The following MYO9A variants were observed in gnomAD, a reference collection of about 807,000 sequenced individuals.
MYO9A encodes the protein unconventional myosin-IXa.
Under a neutral mutation model 293.3 loss-of-function variants are expected in MYO9A, and 103 were observed. That is an observed-to-expected ratio of 0.35 (90% confidence interval 0.30 to 0.41). The LOEUF (loss-of-function observed/expected upper bound fraction) is 0.41. Ranked by LOEUF, MYO9A falls within the 10% of genes least tolerant of loss-of-function variation. MYO9A has a pLI of 1.00. For synonymous variants in MYO9A, 1,001 were observed against 1,035.7 expected, an observed-to-expected ratio of 0.97 and a Z score of 0.64; for missense variants, 2,685 against 3,033.0, an observed-to-expected ratio of 0.89 and a Z score of 2.69.
At chr15:72,015,019 T>TA (rs1238148731) in intron 6 of MYO9A, among the ~76,000 whole-genome samples, 1 of 150,640 alleles carries the variant, frequency 6.6e-6, no homozygotes, top group Non-Finnish European at 1.5e-5. Flanking sequence ...AATTTTTTTT[T>TA]TTTTTTTTTG....
intron 1 of MYO9A, among the ~76,000 whole-genome samples, chr15:72,067,298 T>C (rs926921636): frequency 1.3e-5 from 2 of 151,624 alleles, no homozygotes; most frequent in East Asian, 4.0e-4. Flanking sequence ...CCAATACTAA[T>C]TAATTAATTT....
chr15:71,981,935 T>C (rs898315467), intron 11 of MYO9A, among the ~76,000 whole-genome samples: 1 of 151,182 alleles, frequency 6.6e-6, no homozygotes, highest in Admixed American at 6.6e-5. Flanking sequence ...GCATTTCCCA[T>C]AGTTTTAATA....
chr15:72,110,205 G>A (rs1399608082), intron 1 of MYO9A, among the ~76,000 whole-genome samples: 3 of 151,860 alleles, frequency 2.0e-5, no homozygotes, highest in Non-Finnish European at 4.4e-5. Flanking sequence ...GGAGGCCGAG[G>A]CAGGTAGATT....
chr15:71,906,620 C>G (rs1596158269), intron 19 of MYO9A, among the ~76,000 whole-genome samples: 1 of 151,780 alleles, frequency 6.6e-6, no homozygotes, highest in East Asian at 1.9e-4. Flanking sequence ...GTCACTATAG[C>G]TTTCTTTTGG....
chr15:72,001,234 AT>A (rs1244549145), intron 8 of MYO9A, among the ~76,000 whole-genome samples: 1 of 152,176 alleles, frequency 6.6e-6, no homozygotes, highest in African/African-American at 2.4e-5. Flanking sequence ...AATGTAGGCA[AT>A]ATAAAAATTT....
intron 15 of MYO9A, among the ~76,000 whole-genome samples, chr15:71,948,933 T>A (rs2058986395): frequency 1.0e-5 from 1 of 100,008 alleles, no homozygotes; most frequent in South Asian, 4.9e-4. Flanking sequence ...ACAGAAATTC[T>A]GGTTCAAATT....
intron 35 of MYO9A, among the ~76,000 whole-genome samples, chr15:71,852,997 T>C (rs145277104): frequency 0.014 from 2,107 of 152,246 alleles, 34 homozygotes; most frequent in African/African-American, 0.024. Flanking sequence ...CTTGGGAGGC[T>C]GAGGCAGAAT....
At chr15:72,077,414 G>A (rs561842835) in intron 1 of MYO9A, among the ~76,000 whole-genome samples, 7 of 152,040 alleles carry the variant, frequency 4.6e-5, no homozygotes, top group African/African-American at 9.7e-5. Context: ...TAAAGATGCC[G>A]GGCGCCATGG....
chr15:72,070,455 A>AT (rs2079157386), intron 1 of MYO9A, among the ~76,000 whole-genome samples: 1 of 150,166 alleles, frequency 6.7e-6, no homozygotes, highest in Non-Finnish European at 1.5e-5. Context: ...TCTGCCTCAA[A>AT]AAAAAAAAAA....
intron 39 of MYO9A, among the ~76,000 whole-genome samples, chr15:71,830,645 T>A (rs923095527): frequency 6.6e-6 from 1 of 152,206 alleles, no homozygotes; most frequent in Non-Finnish European, 1.5e-5. Context: ...TTAATTAAAA[T>A]TGAACTAACA....
At chr15:71,974,966 G>C (rs190483961) in intron 12 of MYO9A, among the ~76,000 whole-genome samples, 109 of 152,290 alleles carry the variant, frequency 7.2e-4, no homozygotes, top group Non-Finnish European at 8.1e-4. Flanking sequence ...TATTCATTGA[G>C]GGAAATCCAA....
intron 25 of MYO9A, chr15:71,897,030 ACATACAAAGAAGTATAATGAACG>A (rs2057351106): frequency 6.2e-6 from 1 of 161,330 alleles, no homozygotes; most frequent in Admixed American, 5.8e-5. Context: ...TGTGTTTATC[ACATACAAAGAAGTATAATGAACG>A]TAATGATGAC....
At chr15:72,020,888 T>C (rs181736621) in intron 5 of MYO9A, 30 bp downstream of exon 5, 3 of 1,361,652 alleles carry the variant, frequency 2.2e-6, no homozygotes, top group South Asian at 3.0e-5. Context: ...TACTGCCCTA[T>C]ACTTCAAAAT....
chr15:71,977,841 T>C (rs557355487), intron 12 of MYO9A, among the ~76,000 whole-genome samples: 1 of 152,152 alleles, frequency 6.6e-6, no homozygotes, highest in South Asian at 2.1e-4. Context: ...ATCGAGACCA[T>C]CCTGGCTAAC....
Position 71,957,767 on chromosome 15 carries a change from C to T in MYO9A, c.2182+2134G>A, listed in dbSNP as rs77606631. Among the ~76,000 whole-genome samples, 231 of 152,304 alleles carry T rather than the reference C, an allele frequency of 1.5e-3. 4 individuals are homozygous for T. In the East Asian group the frequency reaches 0.023, roughly 15 times the overall value. On this transcript the variant is annotated intron_variant, in intron 14 of 41. Coordinates refer to ENST00000356056, the MANE Select transcript of MYO9A (RefSeq NM_006901.4). Reference sequence around the variant, plus strand: ...GCAGACACTATATAAAGGGTTTCAGCTTCTCTCTTTGTAGATGAAGAAACT... The same window carrying T: ...GCAGACACTATATAAAGGGTTTCAGTTTCTCTCTTTGTAGATGAAGAAACT...
chr15:71,877,265 G>A (rs541627414), intron 31 of MYO9A, among the ~76,000 whole-genome samples: 28 of 151,990 alleles, frequency 1.8e-4, no homozygotes, highest in South Asian at 4.2e-4. Flanking sequence ...ACACAACACC[G>A]AGTACGATTC....
rs1474620771 is a variant in MYO9A, at chr15:72,066,569, A to AACAG, written c.-71-19939_-71-19936dup. Reference sequence around the variant, plus strand: ...TTATCCCATTTATATGAAGTTCACAAACAGACAACATAAATCTATGGATAC... The same window carrying AACAG: ...TTATCCCATTTATATGAAGTTCACAAACAGACAGACAACATAAATCTATGGATAC... On this transcript the variant is annotated intron_variant, in intron 1 of 41. Transcript: ENST00000356056. Among the ~76,000 whole-genome samples the AACAG allele has an allele frequency of 3.9e-5, 6 of 152,188 alleles. No homozygotes were observed. The East Asian group carries it at 1.2e-3, about 29-fold the overall frequency.
At chr15:71,846,411 C>A (rs907849254) in intron 39 of MYO9A, among the ~76,000 whole-genome samples, 3 of 152,148 alleles carry the variant, frequency 2.0e-5, no homozygotes, top group African/African-American at 7.2e-5. Context: ...AAATTACCCA[C>A]CTACCCTCCA....
At chr15:72,061,157 C>G (rs573226011) in intron 1 of MYO9A, among the ~76,000 whole-genome samples, 1 of 152,208 alleles carries the variant, frequency 6.6e-6, no homozygotes, top group East Asian at 1.9e-4. Flanking sequence ...GTCCTTGGAC[C>G]TTGAAAAAAC....
Sources: gnomAD v4.1 joint callset for allele counts (sites outside exome capture counted in the v4.1 genomes callset) on GRCh38, gnomAD v4.1.1 for gene constraint, MANE v1.5 for transcripts, NCBI Gene and HGNC (gene_info 2026-07-23, HGNC 2026-07-21) for gene names.